CSMD1: variants seen among roughly 807,000 people sequenced by gnomAD.
The protein encoded by CSMD1 is CUB and Sushi multiple domains 1.
Under a neutral mutation model 417.5 loss-of-function variants are expected in CSMD1, and 213 were observed. That is an observed-to-expected ratio of 0.51 (90% CI 0.46 to 0.57). The LOEUF is 0.57. Ranked by LOEUF, CSMD1 falls within the 20% of genes least tolerant of loss-of-function variation. The pLI is 0.00. For synonymous variants in CSMD1, 2,862 were observed against 1,736.8 expected, an observed-to-expected ratio of 1.65 and a Z score of -16.11; for missense variants, 6,923 against 4,529.7, an observed-to-expected ratio of 1.53 and a Z score of -15.17.
intron 18 of CSMD1, among the ~76,000 whole-genome samples, chr8:3,377,783 T>C (rs1249943098): frequency 6.6e-6 from 1 of 152,198 alleles, no homozygotes; most frequent in Non-Finnish European, 1.5e-5. Context: ...TTTCCATGAA[T>C]GTTTCCTCAG....
intron 1 of CSMD1, among the ~76,000 whole-genome samples, chr8:4,698,527 A>C (rs769583777): frequency 6.6e-6 from 1 of 152,026 alleles, no homozygotes; most frequent in African/African-American, 2.4e-5. Context: ...AAGTCCACCT[A>C]CAGGGAAGTT....
At chr8:3,948,397 G>T (rs1483849783) in intron 5 of CSMD1, among the ~76,000 whole-genome samples, 1 of 152,262 alleles carries the variant, frequency 6.6e-6, no homozygotes, top group South Asian at 2.1e-4. Flanking sequence ...ACAGGAGAGG[G>T]AGGGAGAACA....
intron 10 of CSMD1, among the ~76,000 whole-genome samples, chr8:3,534,371 T>A (rs1359761836): frequency 6.6e-6 from 1 of 152,164 alleles, no homozygotes; most frequent in Non-Finnish European, 1.5e-5. Flanking sequence ...AATGCCGTGT[T>A]CAGGATTGCT....
At position 4,030,596 on chromosome 8, in the gene CSMD1, T is replaced by C. The variant is rs1275846304; in HGVS notation, c.610+1309A>G. ...TTATTCTCCTAGACCTCCAGGCCTG[T>C]GATGGGAGGGGTTGCTGTGAAGACC... On this transcript the variant is annotated intron_variant, in intron 4 of 69. Transcript: ENST00000635120. Among the ~76,000 whole-genome samples, 5 of 152,160 alleles carry C rather than the reference T, an allele frequency of 3.3e-5. No homozygotes were observed. In the East Asian group the frequency reaches 9.7e-4, roughly 29 times the overall value.
intron 3 of CSMD1, among the ~76,000 whole-genome samples, chr8:4,261,690 A>G (rs111733923): frequency 1.3e-5 from 2 of 152,264 alleles, no homozygotes; most frequent in Admixed American, 1.3e-4. Context: ...GACTACAGGC[A>G]TGAGTCACCT....
chr8:3,911,427 C>G (rs1158840985), intron 5 of CSMD1, among the ~76,000 whole-genome samples: 1 of 151,340 alleles, frequency 6.6e-6, no homozygotes, highest in African/African-American at 2.4e-5. Context: ...ACTCGGGAGG[C>G]TGAGGCAGGA....
intron 3 of CSMD1, among the ~76,000 whole-genome samples, chr8:4,300,064 G>C (rs541744434): frequency 1.3e-5 from 2 of 152,212 alleles, no homozygotes; most frequent in Non-Finnish European, 1.5e-5. Flanking sequence ...TCTCATACAT[G>C]TCAGAACATC....
At chr8:4,271,060 G>C (rs1804560765) in intron 3 of CSMD1, among the ~76,000 whole-genome samples, 1 of 152,176 alleles carries the variant, frequency 6.6e-6, no homozygotes, top group Non-Finnish European at 1.5e-5. Context: ...AGAAGAGCTG[G>C]TGCAGAAAGT....
At chr8:4,836,453 T>C (rs1211387573) in intron 1 of CSMD1, among the ~76,000 whole-genome samples, 6 of 152,198 alleles carry the variant, frequency 3.9e-5, no homozygotes, top group Admixed American at 6.5e-5. Flanking sequence ...TCTCCTTAAG[T>C]GCTGTTCCAT....
intron 2 of CSMD1, among the ~76,000 whole-genome samples, chr8:4,632,840 G>A (rs1374011078): frequency 6.6e-6 from 1 of 152,190 alleles, no homozygotes; most frequent in Admixed American, 6.5e-5. Context: ...ATACTATTCA[G>A]ACCGGTAGAG....
At chr8:4,293,935 A>G (rs1365248746) in intron 3 of CSMD1, among the ~76,000 whole-genome samples, 1 of 151,942 alleles carries the variant, frequency 6.6e-6, no homozygotes, top group East Asian at 1.9e-4. Context: ...AGCTTTCCAC[A>G]CTTTTAAACA....
At chr8:3,216,506 T>C (rs1309669648) in intron 29 of CSMD1, among the ~76,000 whole-genome samples, 1 of 152,226 alleles carries the variant, frequency 6.6e-6, no homozygotes, top group East Asian at 1.9e-4. Flanking sequence ...TAGTCTAGTT[T>C]CCTGTTTGAT....
At chr8:4,317,015 G>A (rs1280226042) in intron 3 of CSMD1, among the ~76,000 whole-genome samples, 2 of 152,008 alleles carry the variant, frequency 1.3e-5, no homozygotes, top group African/African-American at 4.8e-5. Flanking sequence ...ACACTGTTGG[G>A]GCAAAAAACT....
intron 3 of CSMD1, among the ~76,000 whole-genome samples, chr8:4,377,968 G>T (rs1370014114): frequency 5.3e-5 from 8 of 152,136 alleles, no homozygotes; most frequent in Non-Finnish European, 1.2e-4. Context: ...GCAAATGATA[G>T]AATTGTAGTG....
chr8:3,842,592 C>G (rs1397792278), intron 5 of CSMD1, among the ~76,000 whole-genome samples: 8 of 151,970 alleles, frequency 5.3e-5, no homozygotes, highest in African/African-American at 1.7e-4. Flanking sequence ...AATCTCTTGC[C>G]TATATGGAAG....
rs1396053204 is a variant in CSMD1, at chr8:3,359,169, G to T, written c.3287C>A (p.Pro1096His). The change falls in exon 21 of 70, where the codon CCT becomes CAT. Residue 1096 changes from proline (P) to histidine (H), a missense_variant. Coordinates refer to ENST00000635120, the MANE Select transcript of CSMD1 (RefSeq NM_033225.6). ...LGGGRRVWSA[P>H]LPRCVAECGA... ...CCACCTACCCACACACCTTGGCAGAGGTGCACTCCACACACGGCGGCCCCC... is the reference window on the plus strand; with the variant it reads ...CCACCTACCCACACACCTTGGCAGATGTGCACTCCACACACGGCGGCCCCC... 1.9e-5 allele frequency: 30 copies of T among 1,613,982 alleles called. No homozygotes were observed. Among genetic ancestry groups the T allele is most frequent in the Non-Finnish European group, 2.5e-5 (30 of 1,179,956 alleles).
intron 1 of CSMD1, among the ~76,000 whole-genome samples, chr8:4,649,918 T>C (rs1382910451): frequency 6.6e-6 from 1 of 152,224 alleles, no homozygotes; most frequent in Non-Finnish European, 1.5e-5. Flanking sequence ...CATGTGTTGA[T>C]GCACAGGTTG....
At chr8:3,296,910 G>T (rs80123879) in intron 25 of CSMD1, among the ~76,000 whole-genome samples, 9 of 152,118 alleles carry the variant, frequency 5.9e-5, no homozygotes, top group East Asian at 1.9e-4. Context: ...AGCTGTTCAC[G>T]TAAGTTGGAG....
intron 6 of CSMD1, among the ~76,000 whole-genome samples, chr8:3,725,522 G>T (rs1163229122): frequency 6.6e-6 from 1 of 152,178 alleles, no homozygotes; most frequent in Non-Finnish European, 1.5e-5. Flanking sequence ...GTGTGTATGT[G>T]TATGTGGGTT....
Sources: gnomAD v4.1 joint callset for allele counts (sites outside exome capture counted in the v4.1 genomes callset) on GRCh38, gnomAD v4.1.1 for gene constraint, MANE v1.5 for transcripts, NCBI Gene and HGNC (gene_info 2026-07-23, HGNC 2026-07-21) for gene names.